KCNIP4: variants seen among roughly 807,000 people sequenced by gnomAD.
KCNIP4 encodes Kv channel-interacting protein 4.
In KCNIP4, 12 loss-of-function variants were observed where a neutral mutation model predicts 34.0. That is an observed-to-expected ratio of 0.35 (90% CI 0.23 to 0.57). The LOEUF (loss-of-function observed/expected upper bound fraction) is 0.57. KCNIP4 is among the 20% of genes least tolerant of loss of function. The pLI is 0.83. For missense variants in KCNIP4, 238 were observed against 311.7 expected (o/e 0.76, Z 1.78); for synonymous variants, 124 against 102.2 (o/e 1.21, Z -1.29).
At chr4:21,465,391 T>A (rs981179160) in intron 1 of KCNIP4, among the ~76,000 whole-genome samples, 4 of 152,122 alleles carry the variant, frequency 2.6e-5, no homozygotes, top group African/African-American at 9.7e-5. Context: ...ATTCTCTACA[T>A]GCTCCTTTCC....
At chr4:21,158,482 CAGTT>C (rs1753325956) in intron 1 of KCNIP4, among the ~76,000 whole-genome samples, 1 of 152,082 alleles carries the variant, frequency 6.6e-6, no homozygotes, top group Non-Finnish European at 1.5e-5. Flanking sequence ...CTCAGGAATG[CAGTT>C]AGTTTAACTT....
At chr4:21,501,688 T>TTGTGTGTGTGTGTGTGTGTG (rs370071298) in intron 1 of KCNIP4, among the ~76,000 whole-genome samples, 10,881 of 127,010 alleles carry the variant, frequency 0.086, 797 homozygotes, top group Non-Finnish European at 0.11. Context: ...TGCAGAAGCC[T>TTGTGTGTGTGTGTGTGTGTG]TGTGTGTGTG....
chr4:20,738,241 T>C (rs796762078), intron 5 of KCNIP4, among the ~76,000 whole-genome samples: 15 of 152,266 alleles, frequency 9.9e-5, no homozygotes, highest in African/African-American at 2.9e-4. Flanking sequence ...CTAGATGAGA[T>C]TGATTGTTAT....
chr4:21,427,957 A>G (rs1021147358), intron 1 of KCNIP4, among the ~76,000 whole-genome samples: 4 of 152,180 alleles, frequency 2.6e-5, no homozygotes, highest in African/African-American at 9.7e-5. Context: ...AGCATAAGTC[A>G]TATGAATTGT....
At chr4:21,754,912 C>T (rs1046041175) in intron 1 of KCNIP4, among the ~76,000 whole-genome samples, 1 of 152,022 alleles carries the variant, frequency 6.6e-6, no homozygotes, top group Admixed American at 6.6e-5. Context: ...TTTTGGAGGC[C>T]GAGGTGGGCG....
At chr4:21,616,608 T>C (rs1744627096) in intron 1 of KCNIP4, among the ~76,000 whole-genome samples, 1 of 152,118 alleles carries the variant, frequency 6.6e-6, no homozygotes, top group Admixed American at 6.6e-5. Flanking sequence ...TTCTCTGAAA[T>C]CTGTGGGGAG....
intron 2 of KCNIP4, among the ~76,000 whole-genome samples, chr4:20,877,496 A>AT (rs1724188778): frequency 6.6e-6 from 1 of 151,888 alleles, no homozygotes; most frequent in South Asian, 2.1e-4. Flanking sequence ...CTGATTTCAG[A>AT]TTTTTTTCAG....
rs182938643 is a variant in KCNIP4, at chr4:20,812,577, G to A, written c.288+37966C>T. Among the ~76,000 whole-genome samples the A allele has an allele frequency of 3.3e-5, 5 of 152,230 alleles. No homozygotes were observed. The East Asian group carries it at 5.8e-4, about 18-fold the overall frequency. On this transcript the variant is annotated intron_variant, in intron 3 of 8. Transcript: ENST00000382152. Reference sequence around the variant, plus strand: ...GAAAGCTGGCCCCTTTCCGAATCCCGGAGGATGAACACGTGATTGATCTAA... The same window carrying A: ...GAAAGCTGGCCCCTTTCCGAATCCCAGAGGATGAACACGTGATTGATCTAA...
chr4:21,139,231 T>G (rs1162823778), intron 1 of KCNIP4, among the ~76,000 whole-genome samples: 1 of 152,206 alleles, frequency 6.6e-6, no homozygotes, highest in Non-Finnish European at 1.5e-5. Context: ...CATAGGTGCA[T>G]TACTCGTTTC....
rs1577699533 is a variant in KCNIP4, at chr4:21,105,656, G to C, written c.62-222947C>G. On this transcript the variant is annotated intron_variant, in intron 1 of 8. Transcript: ENST00000382152. ...TGTTGAATAGGAGTGGTGGGAGAGG[G>C]TATCCCTGTCTTGTGCCAGTTTTCA... Among the ~76,000 whole-genome samples the C allele has an allele frequency of 2.0e-5, 3 of 151,710 alleles. No homozygotes were observed. The Middle Eastern group carries it at 0.01, about 516-fold the overall frequency.
At position 21,913,851 on chromosome 4, in the gene KCNIP4, GA is replaced by G. The variant is rs1180496037; in HGVS notation, c.61+34719del. 2.6e-5 allele frequency among the ~76,000 whole-genome samples: 4 copies of G among 152,290 alleles called. No homozygotes were observed. In the East Asian group the frequency reaches 7.7e-4, roughly 29 times the overall value. ...ACAGAGTGGTCTAAATCAGCCTGGGGAGGGAATGAAGACTTCTGAGAAGAGA... is the reference window on the plus strand; with the variant it reads ...ACAGAGTGGTCTAAATCAGCCTGGGGGGGAATGAAGACTTCTGAGAAGAGA... On this transcript the variant is annotated intron_variant, in intron 1 of 8. Transcript: ENST00000382152.
intron 1 of KCNIP4, among the ~76,000 whole-genome samples, chr4:21,398,949 T>C (rs1224278751): frequency 6.6e-6 from 1 of 152,220 alleles, no homozygotes. Flanking sequence ...GTTAGGAAAA[T>C]AGGAATTAAT....
intron 1 of KCNIP4, among the ~76,000 whole-genome samples, chr4:21,441,357 A>G (rs1383770890): frequency 6.6e-6 from 1 of 151,430 alleles, no homozygotes; most frequent in Non-Finnish European, 1.5e-5. Flanking sequence ...GTTAGCCAGG[A>G]TGGTCTCGAT....
intron 1 of KCNIP4, among the ~76,000 whole-genome samples, chr4:21,117,841 A>T (rs1001340286): frequency 2.6e-5 from 4 of 152,100 alleles, no homozygotes; most frequent in Non-Finnish European, 4.4e-5. Flanking sequence ...TAGCACTCAG[A>T]GTAGGCAATG....
chr4:21,410,226 A>G (rs1318985330), intron 1 of KCNIP4, among the ~76,000 whole-genome samples: 1 of 152,182 alleles, frequency 6.6e-6, no homozygotes. Context: ...TATATAAAGC[A>G]TATTACTAGA....
intron 1 of KCNIP4, among the ~76,000 whole-genome samples, chr4:20,898,288 T>TA (rs1311120457): frequency 2.6e-5 from 4 of 152,160 alleles, no homozygotes; most frequent in Admixed American, 6.5e-5. Context: ...ATTCCCATAA[T>TA]AAATCAACCT....
intron 1 of KCNIP4, among the ~76,000 whole-genome samples, chr4:21,714,804 ATTT>A (rs1245014335): frequency 9.5e-3 from 3 of 316 alleles, no homozygotes; most frequent in South Asian, 0.14. Context: ...ATTTTATTTT[ATTT>A]TATTTTATTT....
intron 1 of KCNIP4, chr4:21,852,904 C>A: frequency 6.6e-6 from 1 of 152,148 alleles, no homozygotes; most frequent in East Asian, 1.9e-4. Flanking sequence ...CAATTCCCCA[C>A]AAAAAACAAA....
chr4:21,501,247 C>G (rs1021304276), intron 1 of KCNIP4, among the ~76,000 whole-genome samples: 10 of 86,608 alleles, frequency 1.2e-4, no homozygotes, highest in Non-Finnish European at 2.4e-4. Context: ...CTCTCTCTCT[C>G]TCACACACAC....
Sources: allele counts gnomAD v4.1 joint callset (sites outside exome capture counted in the v4.1 genomes callset), GRCh38; gene constraint gnomAD v4.1.1; transcripts MANE v1.5; gene names NCBI Gene and HGNC (gene_info 2026-07-23, HGNC 2026-07-21).